Variants in SHOC1 observed in about 807,000 individuals in gnomAD.
SHOC1 encodes shortage in chiasmata 1.
Under a neutral mutation model 179.2 loss-of-function variants are expected in SHOC1, and 136 were observed. That is an observed-to-expected ratio of 0.76 (90% CI 0.66 to 0.87). SHOC1 has a LOEUF of 0.87. Ranked by LOEUF, SHOC1 falls within the 40% of genes least tolerant of loss-of-function variation. The pLI is 0.00. For synonymous variants in SHOC1, 489 were observed against 586.6 expected, an observed-to-expected ratio of 0.83 and a Z score of 2.41; for missense variants, 1,538 against 1,700.8, an observed-to-expected ratio of 0.90 and a Z score of 1.68.
intron 2 of SHOC1, among the ~76,000 whole-genome samples, chr9:111,790,353 T>C (rs1294187340): frequency 1.3e-5 from 2 of 152,116 alleles, no homozygotes; most frequent in Non-Finnish European, 1.5e-5. Flanking sequence ...CCACAGAAAG[T>C]GGTCAATGCA....
rs1836018145 is a variant in SHOC1 at position 111,781,005 on chromosome 9, G to C, written c.182C>G (p.Ser61Ter). 2 of 1,612,450 alleles carry C rather than the reference G, an allele frequency of 1.2e-6. No individual in the cohort carries two copies. Among genetic ancestry groups the C allele is most frequent in the Non-Finnish European group, 1.7e-6 (2 of 1,178,934 alleles). The change falls in exon 4 of 28, where the codon TCA becomes TGA. Residue 61 changes from serine to a stop codon, truncating the protein, a stop_gained. Coordinates refer to ENST00000682961, the MANE Select transcript of SHOC1 (RefSeq NM_001378211.1). LOFTEE classifies it high-confidence loss of function. ...TGAGGTATCTGTCATTCCCGGAACT[G>C]AAACAGCTGAGACTAGAAAGGATAA... Reference protein sequence around the residue: ...RRPWTRVSAVSVPGMTDTSVL... With the variant: ...RRPWTRVSAV
intron 5 of SHOC1, among the ~76,000 whole-genome samples, chr9:111,760,947 A>C (rs1040075502): frequency 7.9e-5 from 12 of 151,498 alleles, no homozygotes; most frequent in African/African-American, 2.9e-4. Flanking sequence ...ATAAAATAGG[A>C]GATTATTTAT....
chr9:111,770,705 G>A (rs959444101), intron 5 of SHOC1, among the ~76,000 whole-genome samples: 4 of 152,060 alleles, frequency 2.6e-5, no homozygotes, highest in African/African-American at 9.7e-5. Context: ...ATATACCTAG[G>A]AGTTCTGGTG....
At position 111,693,905 on chromosome 9, in the gene SHOC1, A is replaced by ACC. The variant is rs1224197380; in HGVS notation, c.3357_3358dup (p.Val1120GlyfsTer7). The ACC allele has an allele frequency of 6.2e-7, 1 of 1,612,428 alleles. No individual in the cohort carries two copies. The highest frequency in any genetic ancestry group is 1.3e-5 in the African/African-American group (1 of 74,894). The stretch of plus-strand genomic sequence containing the variant: ...TCCTTTATTTAGCATGAGCTGAGCC[A>ACC]CCAATGGGTTAATACATGGAAAATC... On this transcript the variant is annotated frameshift_variant, in exon 26 of 28. Coordinates refer to ENST00000682961, the MANE Select transcript of SHOC1 (RefSeq NM_001378211.1). LOFTEE classifies it high-confidence loss of function.
intron 5 of SHOC1, among the ~76,000 whole-genome samples, chr9:111,770,293 C>A (rs1564161509): frequency 6.6e-6 from 1 of 151,916 alleles, no homozygotes. Flanking sequence ...CCATTTAAGA[C>A]CATGTTGTAT....
Position 111,694,073 on chromosome 9 carries a change from A to G in SHOC1, c.3316-125T>C, listed in dbSNP as rs961240753. On this transcript the variant is annotated intron_variant, in intron 25 of 27. Coordinates refer to ENST00000682961, the MANE Select transcript of SHOC1 (RefSeq NM_001378211.1). Reference sequence around the variant, plus strand: ...GTCAGTAGTCTTTCGAAAGTGATCCATTTTATTCTACTCGTTGCAGCAGAT... The same window carrying G: ...GTCAGTAGTCTTTCGAAAGTGATCCGTTTTATTCTACTCGTTGCAGCAGAT... The G allele has an allele frequency of 5.6e-6, 6 of 1,079,370 alleles. No homozygotes were observed. The African/African-American group carries it at 8.0e-5, about 14-fold the overall frequency. The allele number at this position is 1,079,370 out of a possible 1,614,324, so 66.9% of individuals were successfully genotyped here.
At chr9:111,748,979 TCCC>T (rs1834436622) in intron 8 of SHOC1, among the ~76,000 whole-genome samples, 1 of 100,324 alleles carries the variant, frequency 1.0e-5, no homozygotes, top group African/African-American at 3.9e-5. Context: ...TTCCCCTCCC[TCCC>T]TCCCTCCCTC....
intron 8 of SHOC1, among the ~76,000 whole-genome samples, chr9:111,752,269 G>A (rs947469134): frequency 1.3e-5 from 2 of 152,260 alleles, no homozygotes; most frequent in African/African-American, 4.8e-5. Context: ...AACAGAGGAG[G>A]AGCCCCAAAC....
intron 16 of SHOC1, among the ~76,000 whole-genome samples, chr9:111,717,352 G>T (rs901070955): frequency 6.6e-6 from 1 of 152,152 alleles, no homozygotes; most frequent in African/African-American, 2.4e-5. Context: ...TCAGCCCTTT[G>T]GGAGGCCAAG....
intron 11 of SHOC1, among the ~76,000 whole-genome samples, chr9:111,740,920 C>G (rs945711784): frequency 4.6e-5 from 7 of 152,118 alleles, no homozygotes; most frequent in Admixed American, 2.0e-4. Flanking sequence ...CAGAGACTTG[C>G]TCCTTCACGT....
At chr9:111,764,828 T>A (rs1040400958) in intron 5 of SHOC1, among the ~76,000 whole-genome samples, 1 of 151,996 alleles carries the variant, frequency 6.6e-6, no homozygotes, top group Non-Finnish European at 1.5e-5. Flanking sequence ...GTTGATGAAG[T>A]CAGGAAATTA....
intron 10 of SHOC1, 125 bp downstream of exon 10, chr9:111,746,109 A>T (rs950532965): frequency 1.2e-5 from 6 of 518,436 alleles, no homozygotes; most frequent in Non-Finnish European, 1.7e-5. Flanking sequence ...CTTATTACAG[A>T]CACTGTACTA....
chr9:111,700,152 A>G (rs1484418838), intron 23 of SHOC1, 105 bp from the exon 24 acceptor site: 1 of 666,008 alleles, frequency 1.5e-6, no homozygotes, highest in Non-Finnish European at 2.3e-6. Flanking sequence ...AGAATAACCT[A>G]GCTAAGACAA....
intron 12 of SHOC1, among the ~76,000 whole-genome samples, chr9:111,736,328 G>C (rs902809975): frequency 6.6e-6 from 1 of 152,096 alleles, no homozygotes; most frequent in East Asian, 1.9e-4. Context: ...TATAGGGCTA[G>C]GGTAACCAAA....
intron 12 of SHOC1, among the ~76,000 whole-genome samples, chr9:111,728,658 C>T (rs2131441274): frequency 1.3e-5 from 2 of 152,204 alleles, no homozygotes; most frequent in South Asian, 4.2e-4. Context: ...AACAGTGGTT[C>T]CAGAGCTGAG....
intron 8 of SHOC1, 40 bp from the exon 9 acceptor site, chr9:111,748,239 T>C: frequency 7.2e-7 from 1 of 1,389,752 alleles, no homozygotes; most frequent in Middle Eastern, 1.8e-4. Context: ...AATGTACCAT[T>C]AAATTAATTT....
chr9:111,692,564 G>C (rs562384207), intron 26 of SHOC1, 53 bp from the exon 27 acceptor site: 1 of 1,347,486 alleles, frequency 7.4e-7, no homozygotes, highest in South Asian at 1.5e-5. Context: ...TATAAATAAT[G>C]ATGCTTATCT....
chr9:111,731,008 CT>C (rs1484449175), intron 12 of SHOC1, among the ~76,000 whole-genome samples: 1 of 152,134 alleles, frequency 6.6e-6, no homozygotes, highest in Admixed American at 6.6e-5. Flanking sequence ...ACGGAGATGA[CT>C]TTTTTCCTTA....
intron 5 of SHOC1, among the ~76,000 whole-genome samples, chr9:111,766,222 T>G (rs1402133332): frequency 6.6e-6 from 1 of 152,212 alleles, no homozygotes; most frequent in Non-Finnish European, 1.5e-5. Context: ...TTGCTGCAAA[T>G]GACAGAATTT....
Sources: gnomAD v4.1 joint callset for allele counts (sites outside exome capture counted in the v4.1 genomes callset) on GRCh38, gnomAD v4.1.1 for gene constraint, MANE v1.5 for transcripts, NCBI Gene and HGNC (gene_info 2026-07-23, HGNC 2026-07-21) for gene names.